Variants in USH2A observed in about 807,000 individuals in gnomAD.
USH2A encodes the protein Usher syndrome 2A (autosomal recessive, mild).
Under a neutral mutation model 538.9 loss-of-function variants are expected in USH2A, and 443 were observed. The observed-to-expected ratio is 0.82, with a 90% CI of 0.76 to 0.89. The LOEUF (loss-of-function observed/expected upper bound fraction) is 0.89, where lower values mean the gene tolerates loss of function less well. Among genes scored for constraint, USH2A ranks in the 40% least tolerant of loss-of-function variants. USH2A has a pLI of 0.00. For missense variants in USH2A, 6,633 were observed against 6,324.8 expected, an observed-to-expected ratio of 1.05 and a Z score of -1.65; for synonymous variants, 2,413 against 2,273.5, an observed-to-expected ratio of 1.06 and a Z score of -1.75.
intron 31 of USH2A, 50 bp downstream of exon 31, chr1:216,048,484 T>C (rs769981925): frequency 8.3e-6 from 13 of 1,557,564 alleles, no homozygotes; most frequent in African/African-American, 2.7e-5. Flanking sequence ...TCTCCTATTT[T>C]ATTATTCATG....
chr1:215,719,325 G>T (rs1044630106), intron 61 of USH2A, among the ~76,000 whole-genome samples: 1 of 148,446 alleles, frequency 6.7e-6, no homozygotes, highest in African/African-American at 2.5e-5. Flanking sequence ...GTTGGGGCAG[G>T]GGGGCCAGGG....
At chr1:216,054,714 A>C (rs1243642166) in intron 30 of USH2A, among the ~76,000 whole-genome samples, 1 of 147,002 alleles carries the variant, frequency 6.8e-6, no homozygotes. Flanking sequence ...CATCCACTGT[A>C]ATCTGTTCTC....
intron 30 of USH2A, among the ~76,000 whole-genome samples, chr1:216,063,243 G>A (rs973189443): frequency 3.3e-5 from 5 of 152,194 alleles, no homozygotes; most frequent in African/African-American, 4.8e-5. Flanking sequence ...CACCCCTAAC[G>A]TCTCCACCAA....
At chr1:216,305,514 G>A (rs1158981668) in intron 9 of USH2A, among the ~76,000 whole-genome samples, 2 of 151,754 alleles carry the variant, frequency 1.3e-5, no homozygotes, top group Non-Finnish European at 2.9e-5. Context: ...TACATTCAAT[G>A]TTAGTGTTAG....
At chr1:215,981,713 C>A (rs947000372) in intron 35 of USH2A, among the ~76,000 whole-genome samples, 7 of 152,150 alleles carry the variant, frequency 4.6e-5, no homozygotes, top group African/African-American at 1.7e-4. Flanking sequence ...AGTCCAAGCA[C>A]CAAACCTTAT....
chr1:216,242,167 C>G (rs376720226), intron 13 of USH2A, among the ~76,000 whole-genome samples: 1 of 141,626 alleles, frequency 7.1e-6, no homozygotes. Flanking sequence ...CTGGCTAACA[C>G]GGTGAAACCC....
At chr1:215,820,297 A>G (rs529056627) in intron 47 of USH2A, among the ~76,000 whole-genome samples, 4 of 151,320 alleles carry the variant, frequency 2.6e-5, no homozygotes, top group Non-Finnish European at 4.4e-5. Context: ...CTTCACACAC[A>G]CACACAGCCC....
At chr1:215,885,168 T>G (rs1255732878) in intron 41 of USH2A, among the ~76,000 whole-genome samples, 4 of 152,144 alleles carry the variant, frequency 2.6e-5, no homozygotes, top group Non-Finnish European at 5.9e-5. Flanking sequence ...TGATTTTACT[T>G]TGACTTTTTG....
chr1:215,675,278 A>AATTTTCTC lies in USH2A; in HGVS notation c.12625_12632dup (p.Ile4211MetfsTer49). 1 of 1,614,116 alleles carries AATTTTCTC rather than the reference A, an allele frequency of 6.2e-7. No individual in the cohort carries two copies. Among genetic ancestry groups the AATTTTCTC allele is most frequent in the Non-Finnish European group, 8.5e-7 (1 of 1,180,022 alleles). The stretch of plus-strand genomic sequence containing the variant: ...TTTCAGTGTTATATTCTGTGAAAAC[A>AATTTTCTC]ATTTTCTCGTCGGCCTGGATTGTCT... On this transcript the variant is annotated frameshift_variant, in exon 63 of 72. Transcript: ENST00000307340. LOFTEE classifies it high-confidence loss of function.
In USH2A at chr1:215,675,540, G is replaced by A. The variant is rs755056553; in HGVS notation, c.12371C>T (p.Pro4124Leu). 1.9e-6 allele frequency: 3 copies of A among 1,613,892 alleles called. No homozygotes were observed. Among genetic ancestry groups the A allele is most frequent in the Non-Finnish European group, 2.5e-6 (3 of 1,180,002 alleles). ...NRQFLFRRLD[P>L]FTLYTLTLEA... ...CAGGGTCAGTGTGTAGAGAGTGAAA[G>A]GATCCAGGCGGCGGAAGAGAAACTG... The change falls in exon 63 of 72, where the codon CCT becomes CTT. Residue 4124 changes from proline to leucine, a missense_variant. Physicochemically the swap from Pro to Leu is moderately conservative, Grantham distance 98 (BLOSUM62 -3). Coordinates refer to ENST00000307340, the MANE Select transcript of USH2A (RefSeq NM_206933.4).
intron 37 of USH2A, among the ~76,000 whole-genome samples, chr1:215,957,834 C>T (rs1322290972): frequency 1.3e-5 from 2 of 152,132 alleles, no homozygotes; most frequent in Non-Finnish European, 2.9e-5. Flanking sequence ...CACTGACTGA[C>T]AAGCAACTAC....
chr1:215,865,074 T>C (rs1266920860), intron 44 of USH2A, among the ~76,000 whole-genome samples: 1 of 152,214 alleles, frequency 6.6e-6, no homozygotes, highest in Non-Finnish European at 1.5e-5. Context: ...CTGTATGCCA[T>C]GTTTTTCCTA....
At chr1:216,293,501 C>T (rs2037047355) in intron 9 of USH2A, among the ~76,000 whole-genome samples, 2 of 152,200 alleles carry the variant, frequency 1.3e-5, no homozygotes, top group African/African-American at 4.8e-5. Flanking sequence ...CAAGCACTTC[C>T]CTCACTTATG....
intron 3 of USH2A, among the ~76,000 whole-genome samples, chr1:216,408,998 G>A (rs2039438807): frequency 6.6e-6 from 1 of 152,132 alleles, no homozygotes; most frequent in African/African-American, 2.4e-5. Context: ...TTTTCAGACT[G>A]TGGTTGACTG....
At chr1:215,883,776 T>C (rs966829629) in intron 41 of USH2A, among the ~76,000 whole-genome samples, 1 of 152,218 alleles carries the variant, frequency 6.6e-6, no homozygotes, top group Non-Finnish European at 1.5e-5. Context: ...GCCAATACCA[T>C]ATTATTATAA....
chr1:216,090,819 G>T (rs574396879), intron 22 of USH2A, among the ~76,000 whole-genome samples: 2 of 152,186 alleles, frequency 1.3e-5, no homozygotes, highest in South Asian at 4.2e-4. Flanking sequence ...TAAGAAACTG[G>T]CTTACTTCTT....
chr1:215,803,216 C>G (rs150614575), intron 49 of USH2A, among the ~76,000 whole-genome samples: 1 of 152,182 alleles, frequency 6.6e-6, no homozygotes, highest in Admixed American at 6.5e-5. Context: ...CCTTTGAAAA[C>G]GGGCACAAGA....
chr1:216,201,700 C>A (rs1415724519), intron 16 of USH2A: 2 of 210,630 alleles, frequency 9.5e-6, no homozygotes, highest in East Asian at 1.3e-4. Context: ...TGGGGGGCAC[C>A]TTGGGCACTG....
At chr1:215,955,159 C>G (rs1385731189) in intron 37 of USH2A, among the ~76,000 whole-genome samples, 1 of 152,124 alleles carries the variant, frequency 6.6e-6, no homozygotes, top group Admixed American at 6.6e-5. Flanking sequence ...TAATTTCTAG[C>G]TCCCCTTGTT....
Sources: allele counts gnomAD v4.1 joint callset (sites outside exome capture counted in the v4.1 genomes callset), GRCh38; gene constraint gnomAD v4.1.1; transcripts MANE v1.5; gene names NCBI Gene and HGNC (gene_info 2026-07-23, HGNC 2026-07-21).